The following GMEB1 variants were observed in gnomAD, a reference collection of about 807,000 sequenced individuals.
GMEB1 encodes glucocorticoid modulatory element binding protein 1, also known as glucocorticoid modulatory element-binding protein 1.
Under a neutral mutation model 52.4 loss-of-function variants are expected in GMEB1, and 6 were observed. The observed-to-expected ratio is 0.11, with a 90% confidence interval of 0.06 to 0.23. The LOEUF (loss-of-function observed/expected upper bound fraction) is 0.23. GMEB1 is among the 10% of genes least tolerant of loss of function. The pLI is 1.00. For missense variants in GMEB1, 486 were observed against 685.6 expected (o/e 0.71, Z 3.25); for synonymous variants, 255 against 244.9 (o/e 1.04, Z -0.38).
chr1:28,696,810 A>G, intron 5 of GMEB1, 117 bp from the exon 6 acceptor site: 1 of 708,334 alleles, frequency 1.4e-6, no homozygotes, highest in East Asian at 2.9e-5. Context: ...TAACACTATT[A>G]GGTTTCACTA....
At chr1:28,672,291 G>T (rs1668927190) in intron 1 of GMEB1, among the ~76,000 whole-genome samples, 1 of 148,948 alleles carries the variant, frequency 6.7e-6, no homozygotes, top group African/African-American at 2.5e-5. Flanking sequence ...CGCGATCTTG[G>T]CTCACTGCAA....
chr1:28,669,129 A>G (rs1668756476), intron 1 of GMEB1, among the ~76,000 whole-genome samples: 1 of 148,594 alleles, frequency 6.7e-6, no homozygotes, highest in South Asian at 2.1e-4. Context: ...GCCCCAGACC[A>G]GGGCGGCGGG....
rs745358316 is a variant in GMEB1, at chr1:28,718,683, A to G, written c.*3910A>G. ...TTTATGCATTGAAAAACATTATTTA[A>G]GAATTGGTTCATAGGTTTCAGCAGA... On this transcript the variant is annotated 3_prime_UTR_variant, in exon 10 of 10. Coordinates refer to ENST00000373816, the MANE Select transcript of GMEB1 (RefSeq NM_001319674.2). The G allele has an allele frequency of 2.6e-5, 4 of 152,164 alleles. No homozygotes were observed. Among genetic ancestry groups the G allele is most frequent in the Non-Finnish European group, 4.4e-5 (3 of 68,038 alleles). 9.4% of individuals were successfully genotyped at this position (152,164 alleles called of 1,614,324 possible).
intron 8 of GMEB1, among the ~76,000 whole-genome samples, chr1:28,708,415 C>T (rs988816574): frequency 6.6e-6 from 1 of 150,878 alleles, no homozygotes; most frequent in Admixed American, 6.6e-5. Context: ...CCACCCACCT[C>T]GGCCTCCCAA....
Position 28,715,039 on chromosome 1 carries a change from G to T in GMEB1, c.*266G>T. On this transcript the variant is annotated 3_prime_UTR_variant, in exon 10 of 10. Coordinates refer to ENST00000373816, the MANE Select transcript of GMEB1 (RefSeq NM_001319674.2). ...GAAAGTAATTTCTTTTAGGGGAAGT[G>T]TCAAGATAACAAGTAACCCTGTCCA... 1 of 398,920 alleles carries T rather than the reference G, an allele frequency of 2.5e-6. No homozygotes were observed. The highest frequency in any genetic ancestry group is 4.6e-6 in the Non-Finnish European group (1 of 219,458). 24.7% of individuals were successfully genotyped at this position (398,920 alleles called of 1,614,324 possible). A position where few individuals can be genotyped will look rare whatever the true frequency, so the allele number is the denominator to read the frequency against.
intron 9 of GMEB1, among the ~76,000 whole-genome samples, chr1:28,712,815 G>A (rs1671120265): frequency 6.7e-6 from 1 of 149,218 alleles, no homozygotes; most frequent in South Asian, 2.1e-4. Flanking sequence ...CCAGCCTGGC[G>A]ATAGAGCGAG....
intron 1 of GMEB1, among the ~76,000 whole-genome samples, chr1:28,670,173 A>ATTTATTTATTTATTTATTTATTTATTTG (rs1049993116): frequency 1.3e-5 from 2 of 151,870 alleles, no homozygotes; most frequent in East Asian, 3.9e-4. Flanking sequence ...TTATTTATTT[A>ATTTATTTATTTATTTATTTATTTATTTG]TTTGTTTTTT....
intron 1 of GMEB1, among the ~76,000 whole-genome samples, chr1:28,675,588 A>C (rs1669113735): frequency 6.6e-6 from 1 of 151,752 alleles, no homozygotes; most frequent in African/African-American, 2.4e-5. Context: ...GCTGAGGCAC[A>C]ACAATCGCTT....
chr1:28,711,178 C>T (rs1037642433), intron 9 of GMEB1, among the ~76,000 whole-genome samples: 15 of 150,916 alleles, frequency 9.9e-5, no homozygotes, highest in Non-Finnish European at 1.6e-4. Flanking sequence ...CCCAGCTACT[C>T]GGGAGGCTGA....
rs752271538 is a variant in GMEB1 at position 28,714,529 on chromosome 1, G to A, written c.1448G>A (p.Ser483Asn). The change falls in exon 10 of 10, where the codon AGC (serine) becomes AAC (asparagine). Residue 483 changes from serine (S) to asparagine (N), a missense_variant. Physicochemically the swap from Ser to Asn is conservative, Grantham distance 46 (BLOSUM62 1). Coordinates refer to ENST00000373816, the MANE Select transcript of GMEB1 (RefSeq NM_001319674.2). ...CTGGGCAACATGACCACCATGGTTAGCCCTGTGGAATTGGTGGCCATGGAG... is the reference window on the plus strand; with the variant it reads ...CTGGGCAACATGACCACCATGGTTAACCCTGTGGAATTGGTGGCCATGGAG... ...STLGNMTTMVSPVELVAMESG... is the reference protein window; with the variant it reads ...STLGNMTTMVNPVELVAMESG... 6.2e-7 allele frequency: 1 copy of A among 1,614,190 alleles called. No homozygotes were observed. The highest frequency in any genetic ancestry group is 8.5e-7 in the Non-Finnish European group (1 of 1,180,032).
chr1:28,688,930 C>T (rs762523800), intron 2 of GMEB1, among the ~76,000 whole-genome samples: 8 of 136,852 alleles, frequency 5.8e-5, no homozygotes, highest in South Asian at 2.3e-4. Context: ...CTTGCTCCAT[C>T]GCCCAGGCTG....
chr1:28,686,911 A>T (rs1669673367), intron 2 of GMEB1, among the ~76,000 whole-genome samples: 1 of 152,160 alleles, frequency 6.6e-6, no homozygotes, highest in East Asian at 1.9e-4. Context: ...AGACAGACAG[A>T]TAAACAAGCA....
Position 28,714,754 on chromosome 1 carries a change from T to C in GMEB1, c.1673T>C (p.Ile558Thr). Reference sequence around the variant, plus strand: ...CAGCATCAAGTTCACAATGTGGAGATTGTGGTCTTAGAGGATTAACTGGGG... The same window carrying C: ...CAGCATCAAGTTCACAATGTGGAGACTGTGGTCTTAGAGGATTAACTGGGG... ...EHQHQVHNVE[I>T]VVLED The change falls in exon 10 of 10, where the codon ATT becomes ACT. Residue 558 changes from isoleucine (I) to threonine (T), a missense_variant. Ile to Thr is a moderately conservative substitution (Grantham distance 89, BLOSUM62 -1). Coordinates refer to ENST00000373816, the MANE Select transcript of GMEB1 (RefSeq NM_001319674.2). The C allele has an allele frequency of 6.2e-7, 1 of 1,612,702 alleles. No homozygotes were observed. The highest frequency in any genetic ancestry group is 8.5e-7 in the Non-Finnish European group (1 of 1,178,764).
At chr1:28,699,097 G>A (rs2124544013) in intron 6 of GMEB1, among the ~76,000 whole-genome samples, 1 of 152,310 alleles carries the variant, frequency 6.6e-6, no homozygotes, top group Non-Finnish European at 1.5e-5. Context: ...CAATGTGATT[G>A]GCTGGACAGG....
intron 9 of GMEB1, among the ~76,000 whole-genome samples, chr1:28,713,844 A>G (rs991126919): frequency 6.6e-6 from 1 of 152,148 alleles, no homozygotes; most frequent in African/African-American, 2.4e-5. Flanking sequence ...CAGAAGTTCG[A>G]GGCTATAGTG....
At chr1:28,710,429 T>A in intron 8 of GMEB1, 91 bp from the exon 9 acceptor site, 1 of 957,774 alleles carries the variant, frequency 1.0e-6, no homozygotes, top group Non-Finnish European at 1.5e-6. Flanking sequence ...GTCCCATAAT[T>A]TCTGGTTGTT....
intron 4 of GMEB1, among the ~76,000 whole-genome samples, chr1:28,692,426 G>A (rs572007523): frequency 7.2e-5 from 11 of 151,930 alleles, no homozygotes; most frequent in African/African-American, 1.7e-4. Flanking sequence ...CAGCTACTCC[G>A]GAGGCTAAGG....
At chr1:28,703,187 A>C (rs1206349246) in intron 7 of GMEB1, among the ~76,000 whole-genome samples, 2 of 152,166 alleles carry the variant, frequency 1.3e-5, no homozygotes, top group Non-Finnish European at 2.9e-5. Context: ...AGATAGACTA[A>C]GTTTTGAGAT....
chr1:28,708,178 C>G (rs780365748), intron 8 of GMEB1, among the ~76,000 whole-genome samples: 1 of 152,004 alleles, frequency 6.6e-6, no homozygotes, highest in Non-Finnish European at 1.5e-5. Context: ...GGATTATAGG[C>G]GTGAGCCACC....
Sources: gnomAD v4.1 joint callset for allele counts (sites outside exome capture counted in the v4.1 genomes callset) on GRCh38, gnomAD v4.1.1 for gene constraint, MANE v1.5 for transcripts, NCBI Gene and HGNC (gene_info 2026-07-23, HGNC 2026-07-21) for gene names.